SCHIP1: variants seen among roughly 807,000 people sequenced by gnomAD.
The protein encoded by SCHIP1 is schwannomin-interacting protein 1.
SCHIP1 carries 8 observed loss-of-function variants against 29.7 expected under a neutral mutation model. The ratio of observed to expected loss-of-function variants is 0.27; its 90% CI spans 0.16 to 0.49. The LOEUF is 0.49. Among genes scored for constraint, SCHIP1 ranks in the 20% least tolerant of loss-of-function variants. The probability of loss-of-function intolerance (pLI) is 0.99; values close to 1 mark genes in which losing one functional copy is unlikely to be tolerated. For missense variants in SCHIP1, 193 were observed against 294.6 expected (o/e 0.66, Z 2.52); for synonymous variants, 76 against 94.9 (o/e 0.80, Z 1.16).
the SCHIP1 span, among the ~76,000 whole-genome samples, chr3:159,634,460 T>C: frequency 2.0e-5 from 3 of 152,300 alleles, no homozygotes; most frequent in Admixed American, 1.3e-4. Context: ...AAATAGGAAA[T>C]GCTGAACAGT....
chr3:159,427,759 A>C, the SCHIP1 span, among the ~76,000 whole-genome samples: 1 of 152,208 alleles, frequency 6.6e-6, no homozygotes, highest in Non-Finnish European at 1.5e-5. Flanking sequence ...CCAAAAGAAC[A>C]AAGCTGGAGG....
At chr3:159,883,842 TCCC>T (rs971077534) in intron 2 of SCHIP1, among the ~76,000 whole-genome samples, 1 of 151,926 alleles carries the variant, frequency 6.6e-6, no homozygotes. Flanking sequence ...CTACTAAATC[TCCC>T]CCAACTTTTT....
chr3:159,545,921 CAA>C, the SCHIP1 span, among the ~76,000 whole-genome samples: 1 of 151,602 alleles, frequency 6.6e-6, no homozygotes, highest in African/African-American at 2.4e-5. Context: ...TCCTCCACTT[CAA>C]GTCTTTTAAA....
At chr3:159,556,156 C>T in the SCHIP1 span, among the ~76,000 whole-genome samples, 1 of 152,088 alleles carries the variant, frequency 6.6e-6, no homozygotes, top group African/African-American at 2.4e-5. Context: ...AGCCAAAAAA[C>T]ACATGAAAAA....
At chr3:159,386,409 C>T in the SCHIP1 span, among the ~76,000 whole-genome samples, 14 of 152,200 alleles carry the variant, frequency 9.2e-5, no homozygotes, top group African/African-American at 2.2e-4. Flanking sequence ...AAACATTCCA[C>T]GCTCGTGGAT....
the SCHIP1 span, among the ~76,000 whole-genome samples, chr3:159,588,775 A>G: frequency 2.0e-5 from 3 of 152,148 alleles, no homozygotes; most frequent in South Asian, 4.1e-4. Flanking sequence ...ATATAGTTGT[A>G]GATGTGTGGC....
At chr3:159,589,791 G>A in the SCHIP1 span, among the ~76,000 whole-genome samples, 3 of 152,106 alleles carry the variant, frequency 2.0e-5, no homozygotes, top group Non-Finnish European at 4.4e-5. Flanking sequence ...TGTTTACTGA[G>A]CAATATTCTG....
the SCHIP1 span, among the ~76,000 whole-genome samples, chr3:159,412,925 C>G: frequency 1.3e-4 from 20 of 152,148 alleles, no homozygotes; most frequent in Non-Finnish European, 2.2e-4. Context: ...CTATAAAGAA[C>G]TGCCTGAGAC....
At chr3:159,501,209 T>C in the SCHIP1 span, among the ~76,000 whole-genome samples, 1 of 152,180 alleles carries the variant, frequency 6.6e-6, no homozygotes, top group Non-Finnish European at 1.5e-5. Flanking sequence ...TCTGGCTGTG[T>C]TCTTATCTAT....
At chr3:159,699,383 C>T in the SCHIP1 span, among the ~76,000 whole-genome samples, 6 of 152,250 alleles carry the variant, frequency 3.9e-5, no homozygotes, top group African/African-American at 1.2e-4. Context: ...TGCTTTTAAC[C>T]ATTATGTTAC....
At chr3:159,396,941 A>G in the SCHIP1 span, among the ~76,000 whole-genome samples, 58 of 146,274 alleles carry the variant, frequency 4.0e-4, no homozygotes, top group African/African-American at 1.3e-3. Flanking sequence ...CATTCTCCCC[A>G]TCACTTTCAG....
At chr3:159,590,977 T>C in the SCHIP1 span, among the ~76,000 whole-genome samples, 2 of 152,208 alleles carry the variant, frequency 1.3e-5, no homozygotes, top group African/African-American at 4.8e-5. Flanking sequence ...ATTCTTACTT[T>C]CCTTGCATAC....
chr3:159,379,619 C>T, the SCHIP1 span, among the ~76,000 whole-genome samples: 1 of 151,522 alleles, frequency 6.6e-6, no homozygotes, highest in Non-Finnish European at 1.5e-5. Flanking sequence ...ACTAATCACC[C>T]CTATTAGTGT....
exon 4 of SCHIP1, chr3:159,887,777 G>C (rs777857410): frequency 6.2e-7 from 1 of 1,614,046 alleles, no homozygotes; most frequent in Non-Finnish European, 8.5e-7. Flanking sequence ...GGATGACATG[G>C]ACTTCCTTAC....
the SCHIP1 span, among the ~76,000 whole-genome samples, chr3:159,620,995 T>C: frequency 6.6e-6 from 1 of 152,230 alleles, no homozygotes; most frequent in African/African-American, 2.4e-5. Flanking sequence ...TCTAAAAATA[T>C]AACATTTCAA....
the SCHIP1 span, among the ~76,000 whole-genome samples, chr3:159,687,063 G>A: frequency 6.6e-6 from 1 of 151,988 alleles, no homozygotes; most frequent in African/African-American, 2.4e-5. Flanking sequence ...CCTCTGATTT[G>A]TATCTAGTCC....
intron 1 of SCHIP1, among the ~76,000 whole-genome samples, chr3:159,855,045 G>A (rs564530455): frequency 5.9e-5 from 9 of 152,270 alleles, no homozygotes; most frequent in Admixed American, 2.6e-4. Context: ...GTAGAATGCC[G>A]CATATGATTT....
At chr3:159,637,347 T>C in the SCHIP1 span, among the ~76,000 whole-genome samples, 3 of 146,116 alleles carry the variant, frequency 2.1e-5, no homozygotes, top group African/African-American at 2.5e-5. Context: ...AGAAATTTCA[T>C]AACAAAAGAA....
chr3:159,839,381 A>G (rs956090519), upstream of SCHIP1, among the ~76,000 whole-genome samples: 1 of 152,180 alleles, frequency 6.6e-6, no homozygotes, highest in Non-Finnish European at 1.5e-5. Flanking sequence ...CCCTAAAAAA[A>G]CTTATAACAG....
Sources: gnomAD v4.1 joint callset for allele counts (sites outside exome capture counted in the v4.1 genomes callset) on GRCh38, gnomAD v4.1.1 for gene constraint, MANE v1.5 for transcripts, NCBI Gene and HGNC (gene_info 2026-07-23, HGNC 2026-07-21) for gene names.